The following XKR6 variants were observed in gnomAD, a reference collection of about 807,000 sequenced individuals.
The protein encoded by XKR6 is XK related 6.
XKR6 carries 22 observed loss-of-function variants against 56.7 expected under a neutral mutation model. The ratio of observed to expected loss-of-function variants is 0.39; its 90% confidence interval spans 0.28 to 0.55. The LOEUF is 0.55. Among genes scored for constraint, XKR6 ranks in the 20% least tolerant of loss-of-function variants. XKR6 has a pLI of 0.66. For synonymous variants in XKR6, 524 were observed against 387.8 expected, an observed-to-expected ratio of 1.35 and a Z score of -4.13; for missense variants, 852 against 889.0, an observed-to-expected ratio of 0.96 and a Z score of 0.53.
At chr8:11,115,523 T>A (rs968177910) in intron 1 of XKR6, among the ~76,000 whole-genome samples, 2 of 152,224 alleles carry the variant, frequency 1.3e-5, no homozygotes, top group East Asian at 1.9e-4. Flanking sequence ...TAAATATTAT[T>A]CATAAATTAT....
At position 10,980,110 on chromosome 8, in the gene XKR6, G is replaced by C. The variant is rs112551629; in HGVS notation, c.765-55280C>G. On this transcript the variant is annotated intron_variant, in intron 1 of 2. Coordinates refer to ENST00000416569, the MANE Select transcript of XKR6 (RefSeq NM_173683.4). ...ATGCTCTATGCAGGCCTGGAGCCCA[G>C]AAAGGGAGTGGCCTCAGAGGGAGCT... 4.9e-3 allele frequency among the ~76,000 whole-genome samples: 743 copies of C among 152,354 alleles called. 5 individuals are homozygous for C. The highest frequency in any genetic ancestry group is 0.017 in the African/African-American group (708 of 41,580).
intron 1 of XKR6, among the ~76,000 whole-genome samples, chr8:10,984,695 G>GCTCGCT (rs1491394669): frequency 7.1e-5 from 4 of 56,336 alleles, no homozygotes; most frequent in Non-Finnish European, 1.5e-4. Flanking sequence ...AAAATACATG[G>GCTCGCT]CTCTCTCTCT....
At chr8:10,920,698 A>C (rs997068772) in intron 2 of XKR6, among the ~76,000 whole-genome samples, 1 of 152,262 alleles carries the variant, frequency 6.6e-6, no homozygotes, top group Admixed American at 6.5e-5. Context: ...GTTAAGTAAG[A>C]GAGAAATGCC....
At chr8:11,057,281 AC>A (rs1316048189) in intron 1 of XKR6, among the ~76,000 whole-genome samples, 1 of 152,110 alleles carries the variant, frequency 6.6e-6, no homozygotes, top group African/African-American at 2.4e-5. Context: ...CTCACTAGAT[AC>A]CTTATTTATT....
chr8:11,108,588 T>C, intron 1 of XKR6: 1 of 331,866 alleles, frequency 3.0e-6, no homozygotes, highest in Non-Finnish European at 5.8e-6. Flanking sequence ...CTATCACCCG[T>C]GCTTCTGGGG....
At chr8:10,955,976 G>A (rs1801874433) in intron 1 of XKR6, among the ~76,000 whole-genome samples, 1 of 152,212 alleles carries the variant, frequency 6.6e-6, no homozygotes, top group Non-Finnish European at 1.5e-5. Context: ...GTGAGAGGGT[G>A]AGGGCAAGAC....
intron 1 of XKR6, among the ~76,000 whole-genome samples, chr8:11,021,184 C>CT (rs1353429416): frequency 2.0e-5 from 3 of 152,114 alleles, no homozygotes; most frequent in Non-Finnish European, 4.4e-5. Flanking sequence ...ACTCTGTGTC[C>CT]TAAGACACTG....
chr8:10,964,911 G>A (rs1037858271), intron 1 of XKR6, among the ~76,000 whole-genome samples: 6 of 152,192 alleles, frequency 3.9e-5, no homozygotes, highest in East Asian at 3.9e-4. Flanking sequence ...CCCGGCCAGC[G>A]CTCCAGGGCG....
At chr8:10,984,428 G>C (rs1272357203) in intron 1 of XKR6, among the ~76,000 whole-genome samples, 2 of 152,080 alleles carry the variant, frequency 1.3e-5, no homozygotes, top group Non-Finnish European at 2.9e-5. Flanking sequence ...GCATTGGCCT[G>C]AGGGCACTAT....
intron 1 of XKR6, among the ~76,000 whole-genome samples, chr8:11,015,802 T>C (rs1798605885): frequency 6.6e-6 from 1 of 151,902 alleles, no homozygotes; most frequent in African/African-American, 2.4e-5. Context: ...CCGAGAGGAA[T>C]TGAGGGTGGG....
At chr8:11,058,112 G>A (rs1032734990) in intron 1 of XKR6, among the ~76,000 whole-genome samples, 1 of 152,232 alleles carries the variant, frequency 6.6e-6, no homozygotes, top group Non-Finnish European at 1.5e-5. Context: ...CCCCATTTGA[G>A]TTGTGTTCTG....
At chr8:10,947,811 C>G (rs1586341183) in intron 1 of XKR6, among the ~76,000 whole-genome samples, 1 of 152,216 alleles carries the variant, frequency 6.6e-6, no homozygotes. Flanking sequence ...TTGCTCAGTT[C>G]TTCCCTCATT....
intron 1 of XKR6, among the ~76,000 whole-genome samples, chr8:11,001,553 T>G (rs780934010): frequency 3.0e-4 from 45 of 152,222 alleles, no homozygotes; most frequent in Non-Finnish European, 5.7e-4. Flanking sequence ...CTATAGCCAG[T>G]CCTTGGATCC....
intron 1 of XKR6, chr8:11,105,590 G>C (rs768854439): frequency 6.6e-5 from 10 of 152,212 alleles, no homozygotes; most frequent in Non-Finnish European, 1.5e-4. Context: ...GCAGAACACT[G>C]ATTTAGATCA....
At chr8:10,928,322 C>G (rs1800956734) in intron 1 of XKR6, among the ~76,000 whole-genome samples, 2 of 152,250 alleles carry the variant, frequency 1.3e-5, no homozygotes, top group African/African-American at 4.8e-5. Flanking sequence ...GCGGCTGCTG[C>G]TGTCCTCGAG....
chr8:11,059,716 G>A (rs1403974769), intron 1 of XKR6, among the ~76,000 whole-genome samples: 3 of 141,504 alleles, frequency 2.1e-5, no homozygotes, highest in Admixed American at 7.0e-5. Context: ...TCTGTTCCCC[G>A]GCTCCCCGGC....
chr8:11,062,889 G>A (rs1003259318), intron 1 of XKR6: 8 of 454,992 alleles, frequency 1.8e-5, no homozygotes, highest in African/African-American at 8.0e-5. Context: ...CCTTCCAGAC[G>A]TCGTACTGAA....
chr8:11,052,496 T>G (rs531509986), intron 1 of XKR6, among the ~76,000 whole-genome samples: 1 of 152,156 alleles, frequency 6.6e-6, no homozygotes, highest in African/African-American at 2.4e-5. Flanking sequence ...GGCATGCAGA[T>G]GGCGCGAGGT....
chr8:11,070,174 T>C (rs975183277), intron 1 of XKR6, among the ~76,000 whole-genome samples: 5 of 152,206 alleles, frequency 3.3e-5, no homozygotes, highest in African/African-American at 1.2e-4. Flanking sequence ...CAAGAGTCTT[T>C]CATCTAGGGT....
Sources: gnomAD v4.1 joint callset for allele counts (sites outside exome capture counted in the v4.1 genomes callset) on GRCh38, gnomAD v4.1.1 for gene constraint, MANE v1.5 for transcripts, NCBI Gene and HGNC (gene_info 2026-07-23, HGNC 2026-07-21) for gene names.